The following RNF13 variants were observed in gnomAD, a reference collection of about 807,000 sequenced individuals.
The protein encoded by RNF13 is E3 ubiquitin-protein ligase RNF13.
A neutral mutation model predicts 37.7 loss-of-function variants in RNF13; 19 were observed. The observed-to-expected ratio is 0.50, with a 90% CI of 0.35 to 0.74. The LOEUF (loss-of-function observed/expected upper bound fraction) is 0.74. RNF13 is among the 30% of genes least tolerant of loss of function. RNF13 has a pLI of 0.01. For missense variants in RNF13, 375 were observed against 453.0 expected (o/e 0.83, Z 1.56); for synonymous variants, 144 against 157.8 (o/e 0.91, Z 0.65).
chr3:149,955,011 C>T (rs956093919), intron 8 of RNF13, among the ~76,000 whole-genome samples: 1 of 152,172 alleles, frequency 6.6e-6, no homozygotes, highest in Non-Finnish European at 1.5e-5. Flanking sequence ...TATTAAGCAG[C>T]TCTCTCTGGG....
At chr3:149,876,620 C>G (rs891325315) in intron 4 of RNF13, among the ~76,000 whole-genome samples, 1 of 151,982 alleles carries the variant, frequency 6.6e-6, no homozygotes, top group Non-Finnish European at 1.5e-5. Flanking sequence ...GCAGTCTCTC[C>G]CACTCTGTCT....
At chr3:149,902,828 A>G (rs1456784490) in intron 6 of RNF13, among the ~76,000 whole-genome samples, 1 of 152,178 alleles carries the variant, frequency 6.6e-6, no homozygotes, top group Non-Finnish European at 1.5e-5. Flanking sequence ...AAGAGGAACA[A>G]CAACAAAAAT....
intron 4 of RNF13, among the ~76,000 whole-genome samples, chr3:149,875,947 A>G (rs1281951919): frequency 2.0e-5 from 3 of 152,310 alleles, no homozygotes; most frequent in African/African-American, 7.2e-5. Context: ...AAAGGCTTGA[A>G]TTGGCATCCC....
intron 8 of RNF13, among the ~76,000 whole-genome samples, chr3:149,923,343 G>C (rs964451700): frequency 2.0e-5 from 3 of 152,144 alleles, no homozygotes; most frequent in Non-Finnish European, 4.4e-5. Context: ...TCCCACCTCA[G>C]CTTCTCATGT....
chr3:149,923,732 A>G (rs1718376495), intron 8 of RNF13, among the ~76,000 whole-genome samples: 1 of 149,864 alleles, frequency 6.7e-6, no homozygotes, highest in African/African-American at 2.5e-5. Flanking sequence ...CACGACTGCA[A>G]TCCAGCCTGG....
intron 8 of RNF13, among the ~76,000 whole-genome samples, chr3:149,938,471 C>A (rs905906774): frequency 1.3e-5 from 2 of 151,540 alleles, no homozygotes; most frequent in African/African-American, 4.8e-5. Flanking sequence ...CCGTGCCTGG[C>A]CATATTGTTA....
chr3:149,952,359 A>G (rs538977615), intron 8 of RNF13, among the ~76,000 whole-genome samples: 2 of 152,252 alleles, frequency 1.3e-5, no homozygotes, highest in East Asian at 3.9e-4. Flanking sequence ...GAAGTCATCT[A>G]GAAGCAATTG....
chr3:149,814,815 A>G (rs1719256456), intron 1 of RNF13, among the ~76,000 whole-genome samples: 1 of 152,172 alleles, frequency 6.6e-6, no homozygotes, highest in African/African-American at 2.4e-5. Flanking sequence ...ATGAGTTGTT[A>G]TGAGGATTAA....
chr3:149,884,336 A>G (rs1713769749), intron 4 of RNF13, among the ~76,000 whole-genome samples: 7 of 151,832 alleles, frequency 4.6e-5, no homozygotes, highest in Admixed American at 4.6e-4. Context: ...CTACTATTTT[A>G]GCTGTACTAA....
chr3:149,909,767 C>A (rs995992150), intron 6 of RNF13, among the ~76,000 whole-genome samples: 1 of 151,846 alleles, frequency 6.6e-6, no homozygotes, highest in Admixed American at 6.6e-5. Flanking sequence ...CCATTTCTGC[C>A]GTTACAAACA....
At chr3:149,845,978 C>T (rs370941708) in intron 1 of RNF13, 33 bp from the exon 2 acceptor site, 1 of 1,181,578 alleles carries the variant, frequency 8.5e-7, no homozygotes, top group Non-Finnish European at 1.3e-6. Flanking sequence ...GACAAAGCAC[C>T]AGCTCTCAGT....
rs1285290312 is a variant in RNF13, at chr3:149,872,104, G to A, written c.271G>A (p.Gly91Ser). 1 of 1,601,998 alleles carries A rather than the reference G, an allele frequency of 6.2e-7. No homozygotes were observed. Among genetic ancestry groups the A allele is most frequent in the African/African-American group, 1.3e-5 (1 of 74,620 alleles). Residue 91 changes from glycine to serine, a missense_variant, in exon 4 of 10, where the codon GGC becomes AGC. By Grantham distance (56) the Gly-to-Ser change is moderately conservative (BLOSUM62 0). Transcript: ENST00000392894. The part of the protein sequence containing the change: ...VPPPVKDNSS[G>S]TFIVLIRRLD... ...TCCACCAGTAAAAGACAATTCATCTGGCACTTTCATCGTGTTAATTAGAAG... is the reference window on the plus strand; with the variant it reads ...TCCACCAGTAAAAGACAATTCATCTAGCACTTTCATCGTGTTAATTAGAAG...
intron 5 of RNF13, among the ~76,000 whole-genome samples, chr3:149,899,046 A>G (rs923324237): frequency 1.3e-5 from 2 of 152,216 alleles, no homozygotes. Flanking sequence ...CACAATGGCT[A>G]GAGTAGTGAA....
rs186308469 is a variant in RNF13, at chr3:149,867,524, C to T, written c.196-4505C>T. On this transcript the variant is annotated intron_variant, in intron 3 of 9. Coordinates refer to ENST00000392894, the MANE Select transcript of RNF13 (RefSeq NM_183381.3). ...TTGTGATCCACCTGCCTCGGCCTCC[C>T]AAAGTGCTGGGATTATAGGCATGAG... Among the ~76,000 whole-genome samples the T allele has an allele frequency of 7.1e-3, 1,084 of 151,848 alleles. 27 individuals are homozygous for T. The highest frequency in any genetic ancestry group is 0.011 in the Non-Finnish European group (737 of 67,828).
At chr3:149,860,779 C>G (rs1724180580) in intron 3 of RNF13, among the ~76,000 whole-genome samples, 1 of 152,078 alleles carries the variant, frequency 6.6e-6, no homozygotes, top group African/African-American at 2.4e-5. Flanking sequence ...CTATATTGAA[C>G]TAAAAAGCTT....
chr3:149,864,435 C>A (rs1724595235), intron 3 of RNF13, among the ~76,000 whole-genome samples: 1 of 152,028 alleles, frequency 6.6e-6, no homozygotes, highest in South Asian at 2.1e-4. Context: ...GCCAAATAAA[C>A]CTCTTTACAA....
At chr3:149,877,472 C>CTTTTTTTTTTTTTTTTTTTTGTT (rs1712872255) in intron 4 of RNF13, among the ~76,000 whole-genome samples, 26 of 101,480 alleles carry the variant, frequency 2.6e-4, no homozygotes, top group Middle Eastern at 5.7e-3. Flanking sequence ...TTCTTTCTGT[C>CTTTTTTTTTTTTTTTTTTTTGTT]TTTTTTTTTT....
chr3:149,894,439 G>A (rs1160732091), intron 4 of RNF13, among the ~76,000 whole-genome samples: 3 of 152,044 alleles, frequency 2.0e-5, no homozygotes, highest in African/African-American at 7.2e-5. Flanking sequence ...CATGACTCAG[G>A]TTTTATTTTT....
intron 4 of RNF13, among the ~76,000 whole-genome samples, chr3:149,875,035 A>G: frequency 6.6e-6 from 1 of 152,142 alleles, no homozygotes; most frequent in South Asian, 2.1e-4. Flanking sequence ...GTAGTGGTTC[A>G]TTCATGTATA....
Sources: gnomAD v4.1 joint callset for allele counts (sites outside exome capture counted in the v4.1 genomes callset) on GRCh38, gnomAD v4.1.1 for gene constraint, MANE v1.5 for transcripts, NCBI Gene and HGNC (gene_info 2026-07-23, HGNC 2026-07-21) for gene names.